The following MICU3 variants were observed in gnomAD, a reference collection of about 807,000 sequenced individuals.
The protein encoded by MICU3 is mitochondrial calcium uptake 3, also known as calcium uptake protein 3, mitochondrial.
In MICU3, 62 loss-of-function variants were observed where a neutral mutation model predicts 66.5. The ratio of observed to expected loss-of-function variants is 0.93; its 90% CI spans 0.76 to 1.15. MICU3 has a LOEUF of 1.15. MICU3 is among the 50% of genes most tolerant of loss of function. The probability of loss-of-function intolerance (pLI) is 0.00; values close to 1 mark genes in which losing one functional copy is unlikely to be tolerated. For missense variants in MICU3, 779 were observed against 664.4 expected (o/e 1.17, Z -1.90); for synonymous variants, 308 against 240.7 (o/e 1.28, Z -2.59).
At position 17,105,516 on chromosome 8, in the gene MICU3, C is replaced by T. The variant is rs762531405; in HGVS notation, c.1189C>T (p.Arg397Ter). ...AGAAGATTTTGCTCATATTCTTTTACGATATACAAATGTGGAAAATACATC... is the reference window on the plus strand; with the variant it reads ...AGAAGATTTTGCTCATATTCTTTTATGATATACAAATGTGGAAAATACATC... ...SEEDFAHILL[R>*]YTNVENTSVF... The change falls in exon 11 of 15, where the codon CGA becomes TGA. Residue 397 changes from arginine (R) to a stop codon, truncating the protein, a stop_gained. Coordinates refer to ENST00000318063, the MANE Select transcript of MICU3 (RefSeq NM_181723.3). LOFTEE classifies it high-confidence loss of function. The T allele has an allele frequency of 3.2e-6, 5 of 1,575,220 alleles. No homozygotes were observed. Among genetic ancestry groups the T allele is most frequent in the East Asian group, 4.5e-5 (2 of 43,976 alleles).
chr8:17,066,288 G>A (rs1818663801), intron 2 of MICU3, among the ~76,000 whole-genome samples: 1 of 151,322 alleles, frequency 6.6e-6, no homozygotes, highest in African/African-American at 2.4e-5. Flanking sequence ...TTTTCTGTGT[G>A]CTAAGGGGGA....
At chr8:17,059,191 G>A (rs1377292239) in intron 1 of MICU3, among the ~76,000 whole-genome samples, 1 of 152,130 alleles carries the variant, frequency 6.6e-6, no homozygotes, top group Non-Finnish European at 1.5e-5. Flanking sequence ...TCCTATTTAT[G>A]CTGCTACTCA....
intron 3 of MICU3, among the ~76,000 whole-genome samples, chr8:17,075,981 G>A (rs1384567146): frequency 6.6e-6 from 1 of 152,062 alleles, no homozygotes; most frequent in Non-Finnish European, 1.5e-5. Context: ...AATAGAGATG[G>A]TATAAATTAA....
chr8:17,098,340 CA>C, intron 8 of MICU3, 117 bp from the exon 9 acceptor site: 3 of 772,206 alleles, frequency 3.9e-6, no homozygotes, highest in South Asian at 1.4e-5. Context: ...AACAAACAAA[CA>C]AAAAAAGGTA....
At chr8:17,080,080 C>CT (rs911128296) in intron 4 of MICU3, among the ~76,000 whole-genome samples, 1,675 of 146,294 alleles carry the variant, frequency 0.011, 19 homozygotes, top group African/African-American at 0.034. Flanking sequence ...ATATGCCTAG[C>CT]TTTTTTTTTT....
At chr8:17,115,481 T>C (rs923714454) in intron 12 of MICU3, among the ~76,000 whole-genome samples, 8 of 152,172 alleles carry the variant, frequency 5.3e-5, no homozygotes, top group African/African-American at 1.9e-4. Flanking sequence ...AGTTGTTTGT[T>C]TTTTAGAACT....
At chr8:17,136,419 C>G in the MICU3 span, among the ~76,000 whole-genome samples, 1 of 152,060 alleles carries the variant, frequency 6.6e-6, no homozygotes, top group Non-Finnish European at 1.5e-5. Context: ...TTGTGACCAC[C>G]GCAGTTGCAC....
Position 17,027,599 on chromosome 8 carries a change from C to T in MICU3, c.320C>T (p.Pro107Leu). The T allele has an allele frequency of 7.7e-7, 1 of 1,303,072 alleles. No homozygotes were observed. Among genetic ancestry groups the T allele is most frequent in the Non-Finnish European group, 9.7e-7 (1 of 1,029,682 alleles). The allele number at this position is 1,303,072 out of a possible 1,614,324, so 80.7% of individuals were successfully genotyped here. Residue 107 changes from proline (P) to leucine (L), a missense_variant, in exon 1 of 15, where the codon CCC becomes CTC. Coordinates refer to ENST00000318063, the MANE Select transcript of MICU3 (RefSeq NM_181723.3). ...CCCTCAAAGAGCGCGGCCACGGAGC[C>T]CGAGGACCCGCCCCGCGGCCGGGGG... ...GRPSKSAATE[P>L]EDPPRGRGML...
chr8:17,124,933 C>T (rs1803366186), downstream of MICU3, among the ~76,000 whole-genome samples: 1 of 152,094 alleles, frequency 6.6e-6, no homozygotes, highest in African/African-American at 2.4e-5. Context: ...TCCAAAATTT[C>T]AAATTAATGT....
At chr8:17,070,808 C>G (rs1819469804) in intron 3 of MICU3, among the ~76,000 whole-genome samples, 1 of 151,962 alleles carries the variant, frequency 6.6e-6, no homozygotes, top group African/African-American at 2.4e-5. Flanking sequence ...GTAATATGCT[C>G]TAAGACCCCT....
At chr8:17,122,990 T>TTATTTTGAAAC (rs1460677141), downstream of MICU3, among the ~76,000 whole-genome samples, 1 of 152,052 alleles carries the variant, frequency 6.6e-6, no homozygotes, top group Non-Finnish European at 1.5e-5. Context: ...AATACACTAG[T>TTATTTTGAAAC]TATTATCCTA....
intron 3 of MICU3, among the ~76,000 whole-genome samples, chr8:17,070,653 A>G (rs200411642): frequency 9.4e-6 from 1 of 106,042 alleles, no homozygotes; most frequent in Non-Finnish European, 2.3e-5. Context: ...TTTTTTTTAA[A>G]AAAAAGAATA....
In MICU3 at chr8:17,053,735, G is replaced by A. The variant is rs142092557; in HGVS notation, c.382-10349G>A. Among the ~76,000 whole-genome samples, 524 of 152,082 alleles carry A rather than the reference G, an allele frequency of 3.4e-3. 2 individuals carry two copies. Among genetic ancestry groups the A allele is most frequent in the African/African-American group, 0.012 (495 of 41,472 alleles). On this transcript the variant is annotated intron_variant, in intron 1 of 14. Transcript: ENST00000318063. ...TCATGTATATTTTTATCATTTCAACGTAAATTCTCATAAATAGCTCACAAT... is the reference window on the plus strand; with the variant it reads ...TCATGTATATTTTTATCATTTCAACATAAATTCTCATAAATAGCTCACAAT...
intron 7 of MICU3, among the ~76,000 whole-genome samples, chr8:17,090,036 A>G (rs768904128): frequency 6.6e-6 from 1 of 152,092 alleles, no homozygotes; most frequent in Non-Finnish European, 1.5e-5. Flanking sequence ...ACTCCCCTTT[A>G]GTCCTCATGA....
chr8:17,038,268 G>A (rs1054617559), intron 1 of MICU3, among the ~76,000 whole-genome samples: 14 of 152,252 alleles, frequency 9.2e-5, no homozygotes, highest in African/African-American at 2.4e-4. Context: ...GGAGGGACCC[G>A]GTGGGAGATA....
At chr8:17,108,138 A>G (rs183940955) in intron 11 of MICU3, among the ~76,000 whole-genome samples, 5 of 152,272 alleles carry the variant, frequency 3.3e-5, no homozygotes, top group African/African-American at 7.2e-5. Flanking sequence ...GGCTGAAACA[A>G]TGCCATTTGC....
intron 1 of MICU3, among the ~76,000 whole-genome samples, chr8:17,036,583 G>A (rs776330970): frequency 1.3e-5 from 2 of 152,014 alleles, no homozygotes; most frequent in Non-Finnish European, 2.9e-5. Context: ...ACAGAGTTTC[G>A]ACACACAGGT....
intron 3 of MICU3, 25 bp downstream of exon 3, chr8:17,069,744 T>C (rs776038204): frequency 5.0e-6 from 7 of 1,392,584 alleles, no homozygotes; most frequent in African/African-American, 2.9e-5. Context: ...TTGGTAGATA[T>C]ACACAAATTT....
intron 1 of MICU3, among the ~76,000 whole-genome samples, chr8:17,037,390 C>T (rs971168119): frequency 6.6e-6 from 1 of 152,188 alleles, no homozygotes; most frequent in South Asian, 2.1e-4. Flanking sequence ...CACCTTGCTG[C>T]TTTGTACATT....
Sources: allele counts gnomAD v4.1 joint callset (sites outside exome capture counted in the v4.1 genomes callset), GRCh38; gene constraint gnomAD v4.1.1; transcripts MANE v1.5; gene names NCBI Gene and HGNC (gene_info 2026-07-23, HGNC 2026-07-21).